The following KCNQ1 variants were observed in gnomAD, a reference collection of about 807,000 sequenced individuals.
KCNQ1 encodes potassium voltage-gated channel subfamily KQT member 1.
KCNQ1 carries 49 observed loss-of-function variants against 72.4 expected under a neutral mutation model. The ratio of observed to expected loss-of-function variants is 0.68; its 90% CI spans 0.54 to 0.86. The LOEUF (loss-of-function observed/expected upper bound fraction) is 0.86, where lower values mean the gene tolerates loss of function less well. Ranked by LOEUF, KCNQ1 falls within the 40% of genes least tolerant of loss-of-function variation. KCNQ1 has a pLI of 0.00. For missense variants in KCNQ1, 790 were observed against 945.1 expected (o/e 0.84, Z 2.15); for synonymous variants, 450 against 412.6 (o/e 1.09, Z -1.10).
Position 2,848,329 on chromosome 11 carries a change from G to T in KCNQ1, c.*326G>T. 1.7e-6 allele frequency: 1 copy of T among 592,160 alleles called. No individual in the cohort carries two copies. Among genetic ancestry groups the T allele is most frequent in the Non-Finnish European group, 3.2e-6 (1 of 315,094 alleles). The allele number at this position is 592,160 out of a possible 1,614,324, so 36.7% of individuals were successfully genotyped here. A position where few individuals can be genotyped will look rare whatever the true frequency, so the allele number is the denominator to read the frequency against. On this transcript the variant is annotated 3_prime_UTR_variant, in exon 16 of 16. Coordinates refer to ENST00000155840, the MANE Select transcript of KCNQ1 (RefSeq NM_000218.3). Reference sequence around the variant, plus strand: ...GGGCACAGGGCCTGGCCCATGTATGGCCAGGAAGTAGCACAGGCTGAGTGC... The same window carrying T: ...GGGCACAGGGCCTGGCCCATGTATGTCCAGGAAGTAGCACAGGCTGAGTGC...
chr11:2,667,462 T>C lies in KCNQ1; in HGVS notation c.1514+5381T>C, dbSNP rs1850098823. 2.5e-6 allele frequency: 1 copy of C among 398,424 alleles called. No homozygotes were observed. Among genetic ancestry groups the C allele is most frequent in the Non-Finnish European group, 4.4e-6 (1 of 226,112 alleles). 24.7% of individuals were successfully genotyped at this position (398,424 alleles called of 1,614,324 possible). ...CTGCTCAGGTCCTCAGCCAAGCAGA[T>C]GGTGTTGGAGGATGTGACAGAGAGA... On this transcript the variant is annotated intron_variant, in intron 11 of 15. Coordinates refer to ENST00000155840, the MANE Select transcript of KCNQ1 (RefSeq NM_000218.3).
rs1848165334 is a variant in KCNQ1, at chr11:2,561,415, G to T, written c.478-9213G>T. On this transcript the variant is annotated intron_variant, in intron 2 of 15. Coordinates refer to ENST00000155840, the MANE Select transcript of KCNQ1 (RefSeq NM_000218.3). The stretch of plus-strand genomic sequence containing the variant: ...CTGTACTCAGGACCCTGCCCCCCGA[G>T]GACAAGGTCGCTTCCCTCTTGAGCA... 2.0e-5 allele frequency among the ~76,000 whole-genome samples: 3 copies of T among 152,278 alleles called. No homozygotes were observed. The South Asian group carries it at 6.2e-4, about 32-fold the overall frequency.
At chr11:2,756,951 TAAAAAAAAAAAAAAA>T (rs58284663) in intron 11 of KCNQ1, among the ~76,000 whole-genome samples, 2 of 50,996 alleles carry the variant, frequency 3.9e-5, no homozygotes, top group South Asian at 1.2e-3. Flanking sequence ...AAGAGCATCT[TAAAAAAAAAAAAAAA>T]AAAAAAAAAA....
At chr11:2,635,795 C>T (rs1198691087) in intron 10 of KCNQ1, 1 of 152,122 alleles carries the variant, frequency 6.6e-6, no homozygotes, top group Non-Finnish European at 1.5e-5. Context: ...TTTCATGATA[C>T]TGATTCTCCC....
At chr11:2,643,458 T>G in intron 10 of KCNQ1, 1 of 398,472 alleles carries the variant, frequency 2.5e-6, no homozygotes, top group Non-Finnish European at 4.4e-6. Flanking sequence ...TTTTATCTGA[T>G]GAAAGTATAG....
At chr11:2,499,764 T>A (rs1488627379) in intron 1 of KCNQ1, among the ~76,000 whole-genome samples, 3 of 152,136 alleles carry the variant, frequency 2.0e-5, no homozygotes, top group Non-Finnish European at 4.4e-5. Flanking sequence ...AGCAAGACGA[T>A]ATAACAATTT....
Position 2,562,140 on chromosome 11 carries a change from T to C in KCNQ1, c.478-8488T>C, listed in dbSNP as rs1331292272. On this transcript the variant is annotated intron_variant, in intron 2 of 15. Transcript: ENST00000155840. This position sits in a 1 kb window ranked among gnomAD's most constrained non-coding sequence, Gnocchi z 7.5. ...GTGGATGGTGCATCTCACCTGGGCC[T>C]GGCCGGCTGCACTGTGGCGCCTGCC... Among the ~76,000 whole-genome samples the C allele has an allele frequency of 8.9e-5, 12 of 135,562 alleles. No homozygotes were observed. The Admixed American group carries it at 9.4e-4, about 11-fold the overall frequency. The allele number at this position is 135,562 out of a possible 152,430, so 88.9% of individuals were successfully genotyped here.
In KCNQ1 at chr11:2,479,522, G is replaced by A. The variant is rs1412556080; in HGVS notation, c.386+34038G>A. Reference sequence around the variant, plus strand: ...GAAGCCACAGCCCAAGCTGTACCTTGACACCTTTTAGCTATGGCTAGAGCG... The same window carrying A: ...GAAGCCACAGCCCAAGCTGTACCTTAACACCTTTTAGCTATGGCTAGAGCG... On this transcript the variant is annotated intron_variant, in intron 1 of 15. Transcript: ENST00000155840. This position sits in a 1 kb window ranked among gnomAD's most constrained non-coding sequence, Gnocchi z 4.6. Among the ~76,000 whole-genome samples, 2 of 152,222 alleles carry A rather than the reference G, an allele frequency of 1.3e-5. No homozygotes were observed. Among genetic ancestry groups the A allele is most frequent in the African/African-American group, 4.8e-5 (2 of 41,456 alleles).
intron 15 of KCNQ1, among the ~76,000 whole-genome samples, chr11:2,835,763 GAAAGGGTGGCCTGGGGCTCACAGAGGA>G (rs928671562): frequency 4.6e-5 from 7 of 152,210 alleles, no homozygotes; most frequent in Non-Finnish European, 7.3e-5. Flanking sequence ...TTAAAGGAGG[GAAAGGGTGGCCTGGGGCTCACAGAGGA>G]AAAGCCTTCC....
At position 2,544,772 on chromosome 11, in the gene KCNQ1, C is replaced by G. The variant is rs1483814056; in HGVS notation, c.477+16754C>G. Among the ~76,000 whole-genome samples the G allele has an allele frequency of 3.3e-5, 5 of 152,144 alleles. No individual in the cohort carries two copies. The highest frequency in any genetic ancestry group is 7.2e-5 in the African/African-American group (3 of 41,414). On this transcript the variant is annotated intron_variant, in intron 2 of 15. Transcript: ENST00000155840. The surrounding 1 kb of genome is among the most constrained non-coding windows in gnomAD (Gnocchi z 4.4). Reference sequence around the variant, plus strand: ...TCTGAACATAGAGACAGTTTTACCTCTTTTTTTCAAATGTGGACGCCTATT... The same window carrying G: ...TCTGAACATAGAGACAGTTTTACCTGTTTTTTTCAAATGTGGACGCCTATT...
At chr11:2,777,492 TC>T (rs952732307) in intron 14 of KCNQ1, 111 of 534,824 alleles carry the variant, frequency 2.1e-4, no homozygotes, top group Admixed American at 9.8e-4. Flanking sequence ...ATTCCTTGGG[TC>T]CCCTGGACAC....
chr11:2,556,353 G>C (rs1199317215), intron 2 of KCNQ1, among the ~76,000 whole-genome samples: 4 of 152,194 alleles, frequency 2.6e-5, no homozygotes, highest in African/African-American at 7.2e-5. Flanking sequence ...TGCGGGGCGG[G>C]GGACACAGTT....
intron 1 of KCNQ1, among the ~76,000 whole-genome samples, chr11:2,456,049 A>G (rs980157683): frequency 6.6e-6 from 1 of 152,170 alleles, no homozygotes; most frequent in Admixed American, 6.5e-5. Context: ...TTAAAGACAG[A>G]TTAGACGTGG....
chr11:2,445,339 C>T lies in KCNQ1; in HGVS notation c.241C>T (p.Pro81Ser), dbSNP rs1846021218. 6.3e-7 allele frequency: 1 copy of T among 1,590,876 alleles called. No individual in the cohort carries two copies. The highest frequency in any genetic ancestry group is 1.7e-5 in the Admixed American group (1 of 59,388). The change falls in exon 1 of 16, where the codon CCG becomes TCG. Residue 81 changes from proline (P) to serine (S), a missense_variant. Pro to Ser is a moderately conservative substitution (Grantham distance 74). This residue lies in a region of KCNQ1 where 294 missense variants were observed against 323.3 expected (regional missense o/e 0.91). Transcript: ENST00000155840. ...AAPPVASDLG[P>S]RPPVSLDPRV... ...GCCCCCAGTTGCCTCCGACCTTGGC[C>T]CGCGGCCGCCGGTGAGCCTAGACCC...
In KCNQ1 at chr11:2,768,253, C is replaced by A. The variant is rs1846531547; in HGVS notation, c.1515-591C>A. Reference sequence around the variant, plus strand: ...ACAGACACATCATCCCCTTTGTTTCCTTTTGTGATGCTGTTTCTAAAAGGA... The same window carrying A: ...ACAGACACATCATCCCCTTTGTTTCATTTTGTGATGCTGTTTCTAAAAGGA... On this transcript the variant is annotated intron_variant, in intron 11 of 15. Coordinates refer to ENST00000155840, the MANE Select transcript of KCNQ1 (RefSeq NM_000218.3). The surrounding 1 kb of genome is among the most constrained non-coding windows in gnomAD (Gnocchi z 6.7). 6.6e-6 allele frequency among the ~76,000 whole-genome samples: 1 copy of A among 152,168 alleles called. No homozygotes were observed. The highest frequency in any genetic ancestry group is 6.5e-5 in the Admixed American group (1 of 15,286).
At chr11:2,757,483 C>T (rs1846322445) in intron 11 of KCNQ1, among the ~76,000 whole-genome samples, 1 of 152,122 alleles carries the variant, frequency 6.6e-6, no homozygotes, top group African/African-American at 2.4e-5. Context: ...AAATAGTAAA[C>T]ATTTCAGTTC....
At chr11:2,744,420 C>G (rs138485790) in intron 11 of KCNQ1, among the ~76,000 whole-genome samples, 6 of 152,228 alleles carry the variant, frequency 3.9e-5, no homozygotes, top group Non-Finnish European at 4.4e-5. Context: ...TACTGCAGAG[C>G]ATGTGATACC....
At chr11:2,841,254 G>A (rs553402495) in intron 15 of KCNQ1, among the ~76,000 whole-genome samples, 5 of 152,316 alleles carry the variant, frequency 3.3e-5, no homozygotes, top group South Asian at 2.1e-4. Context: ...CTCAGTGCCG[G>A]AGAGGGGCCA....
chr11:2,541,096 C>T lies in KCNQ1; in HGVS notation c.477+13078C>T, dbSNP rs545824673. ...GCTCAGACACGTGCCTGCATGCACA[C>T]GTGCACACGTGCACACCCAGCCCTG... On this transcript the variant is annotated intron_variant, in intron 2 of 15. Coordinates refer to ENST00000155840, the MANE Select transcript of KCNQ1 (RefSeq NM_000218.3). This position sits in a 1 kb window ranked among gnomAD's most constrained non-coding sequence, Gnocchi z 4.8. Among the ~76,000 whole-genome samples the T allele has an allele frequency of 1.1e-4, 17 of 152,074 alleles. No homozygotes were observed. The East Asian group carries it at 2.1e-3, about 19-fold the overall frequency.
Sources: gnomAD v4.1 joint callset for allele counts (sites outside exome capture counted in the v4.1 genomes callset) on GRCh38, gnomAD v4.1.1 for gene constraint, gnomAD v4.1.1 regional missense constraint, Gnocchi (gnomAD v3.1) non-coding constraint, MANE v1.5 for transcripts, NCBI Gene and HGNC (gene_info 2026-07-23, HGNC 2026-07-21) for gene names.